The following PCDH15 variants were observed in gnomAD, a reference collection of about 807,000 sequenced individuals.
PCDH15 encodes the protein protocadherin-15.
Under a neutral mutation model 178.5 loss-of-function variants are expected in PCDH15, and 129 were observed. The ratio of observed to expected loss-of-function variants is 0.72; its 90% CI spans 0.63 to 0.84. The LOEUF (loss-of-function observed/expected upper bound fraction) is 0.84. Among genes scored for constraint, PCDH15 ranks in the 40% least tolerant of loss-of-function variants. The probability of loss-of-function intolerance (pLI) is 0.00; values close to 1 mark genes in which losing one functional copy is unlikely to be tolerated. For missense variants in PCDH15, 2,230 were observed against 2,099.9 expected (o/e 1.06, Z -1.21); for synonymous variants, 800 against 732.0 (o/e 1.09, Z -1.50).
chr10:55,118,961 T>A (rs74136353), intron 2 of PCDH15, among the ~76,000 whole-genome samples: 3,332 of 152,248 alleles, frequency 0.022, 124 homozygotes, highest in African/African-American at 0.077. Flanking sequence ...ACATAGTGAA[T>A]CCCTTACTGA....
intron 4 of PCDH15, among the ~76,000 whole-genome samples, chr10:54,377,485 A>T (rs1948608822): frequency 6.6e-6 from 1 of 152,178 alleles, no homozygotes; most frequent in African/African-American, 2.4e-5. Flanking sequence ...AACATAATTC[A>T]CAAGAATTCA....
At chr10:55,383,670 C>T (rs1837589392) in intron 2 of PCDH15, among the ~76,000 whole-genome samples, 2 of 152,154 alleles carry the variant, frequency 1.3e-5, no homozygotes, top group Non-Finnish European at 2.9e-5. Flanking sequence ...ATCTCAGTCC[C>T]TCAAGCATGC....
At chr10:54,710,652 A>G (rs1320632960) in intron 1 of PCDH15, among the ~76,000 whole-genome samples, 1 of 152,054 alleles carries the variant, frequency 6.6e-6, no homozygotes, top group Non-Finnish European at 1.5e-5. Context: ...GAGACAGAAC[A>G]GAAATGTTTT....
At chr10:53,918,424 G>T (rs2384333) in intron 25 of PCDH15, among the ~76,000 whole-genome samples, 104,378 of 151,482 alleles carry the variant, frequency 0.69, 36,538 homozygotes, top group East Asian at 1. Context: ...AACAGCAAAG[G>T]TAAATTCCAT....
At chr10:54,238,297 T>C (rs1160937406) in intron 8 of PCDH15, among the ~76,000 whole-genome samples, 1 of 152,070 alleles carries the variant, frequency 6.6e-6, no homozygotes, top group African/African-American at 2.4e-5. Flanking sequence ...TCAGCAAAAA[T>C]GTATAGTGAT....
intron 10 of PCDH15, among the ~76,000 whole-genome samples, chr10:54,196,586 A>G (rs1022407344): frequency 2.6e-5 from 4 of 152,216 alleles, no homozygotes; most frequent in Non-Finnish European, 5.9e-5. Flanking sequence ...ATAAAGAACT[A>G]TCGTATCGAC....
rs180922210 is a variant in PCDH15, at chr10:53,990,274, A to C, written c.2868+5375T>G. ...GCTCTGAAACGCTACAATAGTTCTC[A>C]AAATCTCAACAGAGGGAAATAAAAT... On this transcript the variant is annotated intron_variant, in intron 21 of 37. Transcript: ENST00000644397. 1.9e-4 allele frequency among the ~76,000 whole-genome samples: 29 copies of C among 152,174 alleles called. 1 individual carries two copies. The highest frequency in any genetic ancestry group is 6.0e-4 in the African/African-American group (25 of 41,496).
At chr10:55,257,424 T>C (rs2799611) in intron 1 of PCDH15, among the ~76,000 whole-genome samples, 128,573 of 151,906 alleles carry the variant, frequency 0.85, 55,056 homozygotes, top group East Asian at 0.96. Flanking sequence ...CAAACTACTC[T>C]GAGCTAAAGG....
intron 32 of PCDH15, among the ~76,000 whole-genome samples, chr10:53,826,560 T>C (rs2076692508): frequency 6.6e-6 from 1 of 151,734 alleles, no homozygotes; most frequent in Admixed American, 6.5e-5. Flanking sequence ...TAAAATATTC[T>C]TGGTTGTTTT....
chr10:54,954,085 C>T (rs191850533), intron 2 of PCDH15, among the ~76,000 whole-genome samples: 1 of 151,306 alleles, frequency 6.6e-6, no homozygotes, highest in Admixed American at 6.6e-5. Flanking sequence ...CAAGCACTAA[C>T]ACTGTCTTGT....
Position 55,613,494 on chromosome 10 carries a change from T to C in PCDH15, c.-156+14131A>G, listed in dbSNP as rs142003785. 4.4e-3 allele frequency among the ~76,000 whole-genome samples: 669 copies of C among 152,324 alleles called. 5 individuals are homozygous for C. The highest frequency in any genetic ancestry group is 0.015 in the African/African-American group (632 of 41,572). ...TCAACTTTCAAACAGTTATGCTCTG[T>C]ATTAAACATCAACATCCTCCTTCCC... On this transcript the variant is annotated intron_variant, in intron 2 of 5. Coordinates refer to the PCDH15 transcript ENST00000613346.
intron 10 of PCDH15, among the ~76,000 whole-genome samples, chr10:54,201,382 ATAT>A (rs1191577476): frequency 3.3e-5 from 5 of 152,012 alleles, no homozygotes; most frequent in Admixed American, 2.6e-4. Flanking sequence ...AATTTGGATA[ATAT>A]TATAAATTTA....
At chr10:55,077,779 T>C (rs1228443900) in intron 2 of PCDH15, among the ~76,000 whole-genome samples, 4 of 152,132 alleles carry the variant, frequency 2.6e-5, no homozygotes, top group African/African-American at 9.7e-5. Flanking sequence ...ACTTCTGACC[T>C]CAGGTGATCC....
At chr10:55,438,921 CAG>C (rs1235709535) in intron 2 of PCDH15, among the ~76,000 whole-genome samples, 1 of 151,228 alleles carries the variant, frequency 6.6e-6, no homozygotes, top group African/African-American at 2.4e-5. Flanking sequence ...TTTTTTGAGA[CAG>C]AGTCTCCCAC....
chr10:53,923,640 C>G (rs533871365), intron 25 of PCDH15, among the ~76,000 whole-genome samples: 4 of 152,100 alleles, frequency 2.6e-5, no homozygotes, highest in Non-Finnish European at 5.9e-5. Flanking sequence ...CATACAAGCC[C>G]TTTATTATTT....
chr10:55,173,998 A>C (rs1839412674), intron 1 of PCDH15, among the ~76,000 whole-genome samples: 1 of 152,156 alleles, frequency 6.6e-6, no homozygotes, highest in Non-Finnish European at 1.5e-5. Flanking sequence ...CATTTTGCTG[A>C]TCCATCATGG....
intron 2 of PCDH15, among the ~76,000 whole-genome samples, chr10:55,069,711 T>C (rs913964422): frequency 1.2e-4 from 17 of 144,672 alleles, no homozygotes; most frequent in African/African-American, 4.1e-4. Context: ...AAGTCTTTGC[T>C]ATTGTGAATA....
chr10:54,959,532 T>A (rs1316656950), intron 2 of PCDH15, among the ~76,000 whole-genome samples: 1 of 152,160 alleles, frequency 6.6e-6, no homozygotes, highest in Non-Finnish European at 1.5e-5. Context: ...GAAAAACTTA[T>A]CTTTGAAATG....
chr10:55,613,984 G>A (rs535234092), intron 2 of PCDH15, among the ~76,000 whole-genome samples: 1 of 151,974 alleles, frequency 6.6e-6, no homozygotes, highest in Non-Finnish European at 1.5e-5. Context: ...CATGGTGGTG[G>A]GTGCCTGTAG....
Sources: allele counts gnomAD v4.1 joint callset (sites outside exome capture counted in the v4.1 genomes callset), GRCh38; gene constraint gnomAD v4.1.1; transcripts MANE v1.5; gene names NCBI Gene and HGNC (gene_info 2026-07-23, HGNC 2026-07-21).